GBE1: variants seen among roughly 807,000 people sequenced by gnomAD.
GBE1 encodes the protein 1,4-alpha-glucan-branching enzyme.
GBE1 carries 70 observed loss-of-function variants against 88.8 expected under a neutral mutation model. That is an observed-to-expected ratio of 0.79 (90% CI 0.65 to 0.96). GBE1 has a LOEUF of 0.96. Among genes scored for constraint, GBE1 ranks in the 40% least tolerant of loss-of-function variants. GBE1 has a pLI of 0.00. For missense variants in GBE1, 872 were observed against 871.0 expected, an observed-to-expected ratio of 1.00 and a Z score of -0.01; for synonymous variants, 284 against 300.1, an observed-to-expected ratio of 0.95 and a Z score of 0.56.
chr3:81,614,393 GC>G (rs1275996351), intron 7 of GBE1, among the ~76,000 whole-genome samples: 2 of 152,072 alleles, frequency 1.3e-5, no homozygotes, highest in East Asian at 3.9e-4. Flanking sequence ...GACTGCATAA[GC>G]AGCAGATGTC....
chr3:81,531,526 T>C (rs1368994236), intron 14 of GBE1, among the ~76,000 whole-genome samples: 1 of 151,962 alleles, frequency 6.6e-6, no homozygotes, highest in Non-Finnish European at 1.5e-5. Flanking sequence ...GTCCAAGTGT[T>C]CCTCCGTCAT....
chr3:81,660,983 C>T (rs1361530503), intron 3 of GBE1, among the ~76,000 whole-genome samples: 1 of 151,672 alleles, frequency 6.6e-6, no homozygotes, highest in Non-Finnish European at 1.5e-5. Context: ...AAATAATGCC[C>T]ACCTAAACAG....
intron 2 of GBE1, among the ~76,000 whole-genome samples, chr3:81,673,046 C>T (rs568314688): frequency 1.3e-5 from 2 of 151,984 alleles, no homozygotes; most frequent in Non-Finnish European, 1.5e-5. Flanking sequence ...GGCAGCTCTA[C>T]AAGTTTGGTG....
chr3:81,491,103 C>T (rs542955298), intron 15 of GBE1, among the ~76,000 whole-genome samples: 70 of 152,280 alleles, frequency 4.6e-4, no homozygotes, highest in African/African-American at 1.5e-3. Flanking sequence ...GTTCCTTGGA[C>T]ACAACAAACA....
intron 10 of GBE1, among the ~76,000 whole-genome samples, chr3:81,583,697 A>C (rs957908235): frequency 1.3e-5 from 2 of 152,090 alleles, no homozygotes; most frequent in African/African-American, 2.4e-5. Flanking sequence ...AAATGACGAA[A>C]TTATAGGAAT....
At chr3:81,513,746 G>A (rs1234378345) in intron 14 of GBE1, among the ~76,000 whole-genome samples, 4 of 150,902 alleles carry the variant, frequency 2.7e-5, no homozygotes, top group Admixed American at 1.3e-4. Context: ...AAGCTCAAAC[G>A]TGGGCGACAC....
chr3:81,572,592 A>T (rs934099349), intron 12 of GBE1, among the ~76,000 whole-genome samples: 1 of 152,184 alleles, frequency 6.6e-6, no homozygotes, highest in African/African-American at 2.4e-5. Flanking sequence ...CTTGCCTGTC[A>T]ATATTTAAAT....
At chr3:81,547,383 C>T (rs1337827650) in intron 12 of GBE1, among the ~76,000 whole-genome samples, 1 of 151,564 alleles carries the variant, frequency 6.6e-6, no homozygotes, top group Admixed American at 6.6e-5. Context: ...ATCTGCTTTG[C>T]AGTCTTTGCT....
intron 7 of GBE1, among the ~76,000 whole-genome samples, chr3:81,622,795 T>C (rs925981124): frequency 6.6e-6 from 1 of 152,168 alleles, no homozygotes; most frequent in African/African-American, 2.4e-5. Context: ...CGGAGTTAAC[T>C]TCTTTCTTCC....
chr3:81,547,564 A>T (rs1703221940), intron 12 of GBE1, among the ~76,000 whole-genome samples: 2 of 150,962 alleles, frequency 1.3e-5, no homozygotes, highest in Non-Finnish European at 1.5e-5. Flanking sequence ...GGAACCCAGA[A>T]GCCCGGCATG....
chr3:81,637,300 TA>T (rs1265523568), intron 7 of GBE1, among the ~76,000 whole-genome samples: 1 of 152,154 alleles, frequency 6.6e-6, no homozygotes, highest in Admixed American at 6.6e-5. Flanking sequence ...TGAAAACTAA[TA>T]AAAAACTTAT....
chr3:81,664,812 T>A (rs1297592205), intron 3 of GBE1, among the ~76,000 whole-genome samples: 1 of 152,196 alleles, frequency 6.6e-6, no homozygotes, highest in Non-Finnish European at 1.5e-5. Flanking sequence ...ACTGTAAATG[T>A]GACTTCTTAA....
intron 6 of GBE1, among the ~76,000 whole-genome samples, chr3:81,643,756 T>C (rs1280006969): frequency 6.6e-6 from 1 of 152,196 alleles, no homozygotes; most frequent in Non-Finnish European, 1.5e-5. Flanking sequence ...CCTCATGATA[T>C]GGTACAGTGC....
At chr3:81,715,057 T>C (rs1320826379) in intron 1 of GBE1, among the ~76,000 whole-genome samples, 1 of 152,136 alleles carries the variant, frequency 6.6e-6, no homozygotes, top group Non-Finnish European at 1.5e-5. Context: ...ATGTAGTTCA[T>C]AGCAAAATAA....
intron 7 of GBE1, among the ~76,000 whole-genome samples, chr3:81,600,007 C>T (rs1704010329): frequency 6.6e-6 from 1 of 152,162 alleles, no homozygotes; most frequent in South Asian, 2.1e-4. Flanking sequence ...GGTGCAGTGG[C>T]TCATGCCTGT....
chr3:81,653,289 C>T (rs914133694), intron 3 of GBE1, among the ~76,000 whole-genome samples: 4 of 151,962 alleles, frequency 2.6e-5, no homozygotes, highest in Non-Finnish European at 5.9e-5. Flanking sequence ...CATAAGGAGA[C>T]CTGGTCTCTA....
intron 7 of GBE1, among the ~76,000 whole-genome samples, chr3:81,607,565 A>G (rs1704120913): frequency 6.6e-6 from 1 of 152,148 alleles, no homozygotes; most frequent in African/African-American, 2.4e-5. Context: ...AATAAAAACA[A>G]AAACAAAAAA....
At chr3:81,650,416 T>C (rs553171058) in intron 3 of GBE1, 106 of 152,896 alleles carry the variant, frequency 6.9e-4, no homozygotes, top group Non-Finnish European at 1.3e-3. Context: ...CACAGACACA[T>C]ACATTTTCCA....
chr3:81,648,700 C>G (rs563227128), intron 5 of GBE1, among the ~76,000 whole-genome samples, 156 bp downstream of exon 5: 1 of 152,152 alleles, frequency 6.6e-6, no homozygotes, highest in African/African-American at 2.4e-5. Flanking sequence ...TATGCTATCA[C>G]TATTACAGGG....
Sources: allele counts gnomAD v4.1 joint callset (sites outside exome capture counted in the v4.1 genomes callset), GRCh38; gene constraint gnomAD v4.1.1; transcripts MANE v1.5; gene names NCBI Gene and HGNC (gene_info 2026-07-23, HGNC 2026-07-21).